TPST1: variants seen among roughly 807,000 people sequenced by gnomAD.
TPST1 encodes the protein tyrosylprotein sulfotransferase 1, also known as protein-tyrosine sulfotransferase 1.
A neutral mutation model predicts 34.8 loss-of-function variants in TPST1; 20 were observed. That is an observed-to-expected ratio of 0.57 (90% CI 0.40 to 0.84). The LOEUF is 0.84. Among genes scored for constraint, TPST1 ranks in the 40% least tolerant of loss-of-function variants. TPST1 has a pLI of 0.00. For missense variants in TPST1, 353 were observed against 455.5 expected, an observed-to-expected ratio of 0.78 and a Z score of 2.05; for synonymous variants, 152 against 159.4, an observed-to-expected ratio of 0.95 and a Z score of 0.35.
At chr7:66,277,378 G>T (rs909309952) in intron 2 of TPST1, among the ~76,000 whole-genome samples, 1 of 152,108 alleles carries the variant, frequency 6.6e-6, no homozygotes, top group Admixed American at 6.5e-5. Context: ...TTTCAGATGC[G>T]TTGTTGCTTC....
At chr7:66,329,007 G>T (rs901773916) in intron 3 of TPST1, among the ~76,000 whole-genome samples, 7 of 142,446 alleles carry the variant, frequency 4.9e-5, no homozygotes, top group Non-Finnish European at 9.0e-5. Context: ...AACCCCACGG[G>T]CTCAAGCAAT....
At chr7:66,331,206 G>C (rs953511241) in intron 3 of TPST1, among the ~76,000 whole-genome samples, 1 of 152,208 alleles carries the variant, frequency 6.6e-6, no homozygotes, top group Non-Finnish European at 1.5e-5. Flanking sequence ...CCAAGCAAGA[G>C]AGCAAGATAG....
chr7:66,255,971 A>T (rs1790375499), intron 2 of TPST1, among the ~76,000 whole-genome samples: 1 of 152,194 alleles, frequency 6.6e-6, no homozygotes, highest in South Asian at 2.1e-4. Context: ...TATTTTATTA[A>T]GTCTGGCCAA....
chr7:66,356,337 G>A (rs748023489), intron 4 of TPST1, among the ~76,000 whole-genome samples: 2 of 152,130 alleles, frequency 1.3e-5, no homozygotes, highest in African/African-American at 4.8e-5. Flanking sequence ...CACCCTCCCG[G>A]CACACCCATG....
At chr7:66,266,278 T>C (rs1435617533) in intron 2 of TPST1, among the ~76,000 whole-genome samples, 1 of 135,496 alleles carries the variant, frequency 7.4e-6, no homozygotes, top group Non-Finnish European at 1.6e-5. Context: ...CTAATTCTAC[T>C]AAAAAAAAAA....
At chr7:66,217,099 G>A (rs929396973) in intron 1 of TPST1, among the ~76,000 whole-genome samples, 1 of 152,044 alleles carries the variant, frequency 6.6e-6, no homozygotes, top group Non-Finnish European at 1.5e-5. Flanking sequence ...GGACTTGTTC[G>A]AAAGCCTAAC....
At chr7:66,341,623 G>A in intron 3 of TPST1, among the ~76,000 whole-genome samples, 1 of 152,150 alleles carries the variant, frequency 6.6e-6, no homozygotes, top group African/African-American at 2.4e-5. Context: ...AAAAAGGCTG[G>A]CTGAGAAAGC....
intron 2 of TPST1, among the ~76,000 whole-genome samples, chr7:66,267,285 A>G (rs1790610671): frequency 1.3e-5 from 2 of 152,234 alleles, no homozygotes; most frequent in South Asian, 2.1e-4. Context: ...TTGGTCATGT[A>G]TGTTATTCTT....
chr7:66,307,977 T>C (rs905752456), intron 3 of TPST1, among the ~76,000 whole-genome samples: 1 of 152,262 alleles, frequency 6.6e-6, no homozygotes, highest in African/African-American at 2.4e-5. Context: ...CTCTTTTCTA[T>C]ATCTTACCAC....
intron 1 of TPST1, among the ~76,000 whole-genome samples, chr7:66,227,181 CG>C (rs1213080788): frequency 6.6e-6 from 1 of 151,400 alleles, no homozygotes; most frequent in Non-Finnish European, 1.5e-5. Context: ...TACAGGCACC[CG>C]CCATGATGCC....
chr7:66,276,378 A>ATATATATATATATATATATATG (rs1244773173), intron 2 of TPST1, among the ~76,000 whole-genome samples: 2 of 138,792 alleles, frequency 1.4e-5, no homozygotes, highest in Non-Finnish European at 3.1e-5. Context: ...ATATATATAT[A>ATATATATATATATATATATATG]TATGTATTTT....
At chr7:66,293,253 A>T (rs958368215) in intron 3 of TPST1, among the ~76,000 whole-genome samples, 1 of 152,012 alleles carries the variant, frequency 6.6e-6, no homozygotes, top group African/African-American at 2.4e-5. Flanking sequence ...TGACACCTGT[A>T]GTTTCAGCAC....
chr7:66,359,465 G>A (rs1200596786), intron 5 of TPST1: 1 of 162,038 alleles, frequency 6.2e-6, no homozygotes, highest in African/African-American at 2.6e-5. Flanking sequence ...CTTCACATAA[G>A]GAGGAATCAG....
chr7:66,341,983 G>C (rs936749902), intron 3 of TPST1, among the ~76,000 whole-genome samples: 6 of 152,054 alleles, frequency 3.9e-5, no homozygotes, highest in Admixed American at 3.9e-4. Context: ...AACAAGAGAT[G>C]ACTTAGAGAG....
chr7:66,233,943 C>T (rs769926656), intron 1 of TPST1, among the ~76,000 whole-genome samples: 2 of 152,082 alleles, frequency 1.3e-5, no homozygotes, highest in Non-Finnish European at 2.9e-5. Context: ...TTCACTGCAA[C>T]CTTCGTCTTC....
intron 3 of TPST1, among the ~76,000 whole-genome samples, chr7:66,331,521 T>A (rs1034909451): frequency 6.6e-6 from 1 of 152,206 alleles, no homozygotes; most frequent in Non-Finnish European, 1.5e-5. Flanking sequence ...ATCTTAATAA[T>A]TTGGAGTAGA....
chr7:66,350,640 G>A (rs1792458045), intron 3 of TPST1, among the ~76,000 whole-genome samples: 1 of 152,184 alleles, frequency 6.6e-6, no homozygotes, highest in African/African-American at 2.4e-5. Flanking sequence ...ATCAGTAAAA[G>A]GAGAAACTTC....
intron 1 of TPST1, among the ~76,000 whole-genome samples, chr7:66,232,540 T>A (rs927737635): frequency 2.0e-5 from 3 of 152,096 alleles, no homozygotes; most frequent in Non-Finnish European, 4.4e-5. Context: ...GCCCGGCTAA[T>A]TTTTTTATGG....
At chr7:66,300,947 A>G (rs1443969048) in intron 3 of TPST1, among the ~76,000 whole-genome samples, 1 of 150,628 alleles carries the variant, frequency 6.6e-6, no homozygotes. Flanking sequence ...CTCCATCTCA[A>G]AAAAAAAAAC....
Sources: allele counts gnomAD v4.1 joint callset (sites outside exome capture counted in the v4.1 genomes callset), GRCh38; gene constraint gnomAD v4.1.1; transcripts MANE v1.5; gene names NCBI Gene and HGNC (gene_info 2026-07-23, HGNC 2026-07-21).